The following EGLN1 variants were observed in gnomAD, a reference collection of about 807,000 sequenced individuals.
EGLN1 encodes egl nine homolog 1.
EGLN1 carries 17 observed loss-of-function variants against 38.3 expected under a neutral mutation model. That is an observed-to-expected ratio of 0.44 (90% CI 0.30 to 0.67). EGLN1 has a LOEUF of 0.67. EGLN1 is among the 30% of genes least tolerant of loss of function. The pLI, the probability that EGLN1 is intolerant of heterozygous loss-of-function variation, is 0.08. For synonymous variants in EGLN1, 283 were observed against 257.5 expected, an observed-to-expected ratio of 1.10 and a Z score of -0.95; for missense variants, 477 against 603.3, an observed-to-expected ratio of 0.79 and a Z score of 2.19.
chr1:231,367,413 T>G (rs1436352840), intron 4 of EGLN1, among the ~76,000 whole-genome samples, 156 bp downstream of exon 4: 2 of 152,230 alleles, frequency 1.3e-5, no homozygotes, highest in African/African-American at 4.8e-5. Context: ...AGATGACTTA[T>G]GTCTTCTTAA....
chr1:231,384,707 C>T (rs761529831), intron 1 of EGLN1, among the ~76,000 whole-genome samples: 2 of 152,062 alleles, frequency 1.3e-5, no homozygotes, highest in East Asian at 1.9e-4. Flanking sequence ...ATTAAGTCAC[C>T]GGAAGGCACT....
chr1:231,367,670 C>T, intron 3 of EGLN1, 34 bp from the exon 4 acceptor site: 1 of 1,591,632 alleles, frequency 6.3e-7, no homozygotes, highest in Non-Finnish European at 8.6e-7. Flanking sequence ...TAAGAATGAT[C>T]ACACTGCGGG....
At chr1:231,383,868 T>A (rs1312179105) in intron 1 of EGLN1, among the ~76,000 whole-genome samples, 1 of 152,140 alleles carries the variant, frequency 6.6e-6, no homozygotes, top group Non-Finnish European at 1.5e-5. Context: ...TCCCGTACTT[T>A]TTTTTCTTGA....
At chr1:231,387,360 ATTT>A (rs1464252140) in intron 1 of EGLN1, among the ~76,000 whole-genome samples, 2 of 135,882 alleles carry the variant, frequency 1.5e-5, no homozygotes. Context: ...TATTTTTTTA[ATTT>A]TTTTTTTTTT....
At chr1:231,370,287 G>C (rs1687782824) in intron 3 of EGLN1, among the ~76,000 whole-genome samples, 1 of 152,210 alleles carries the variant, frequency 6.6e-6, no homozygotes, top group South Asian at 2.1e-4. Context: ...AAAGCACGGA[G>C]AGAGTGCTAG....
rs564743805 is a variant in EGLN1 at position 231,369,254 on chromosome 1, G to A, written c.1148+1308C>T. 1.2e-4 allele frequency among the ~76,000 whole-genome samples: 19 copies of A among 152,154 alleles called. No homozygotes were observed. The South Asian group carries it at 1.9e-3, about 15-fold the overall frequency. On this transcript the variant is annotated intron_variant, in intron 3 of 4. Transcript: ENST00000366641. ...CTCTCCCTTCAAAGCGCACTTGCCC[G>A]TCTCTCCAATGTAGCACCACCTTCG...
chr1:231,370,505 A>C, intron 3 of EGLN1, 57 bp downstream of exon 3: 4 of 1,585,710 alleles, frequency 2.5e-6, no homozygotes, highest in Non-Finnish European at 3.5e-6. Flanking sequence ...TTTACTCTAC[A>C]GATTCCCTCC....
At chr1:231,367,327 G>A (rs1687675763) in intron 4 of EGLN1, among the ~76,000 whole-genome samples, 1 of 152,132 alleles carries the variant, frequency 6.6e-6, no homozygotes, top group African/African-American at 2.4e-5. Context: ...GTTTGTATGT[G>A]AATAATTTAC....
At chr1:231,396,956 AAAG>A (rs879601714) in intron 1 of EGLN1, among the ~76,000 whole-genome samples, 16 of 152,158 alleles carry the variant, frequency 1.1e-4, no homozygotes, top group Non-Finnish European at 1.9e-4. Flanking sequence ...CTACATCTTA[AAAG>A]AAGCTCTTAT....
intron 2 of EGLN1, among the ~76,000 whole-genome samples, chr1:231,372,200 C>A (rs1687841608): frequency 6.6e-6 from 1 of 152,232 alleles, no homozygotes; most frequent in Non-Finnish European, 1.5e-5. Flanking sequence ...TGTCTTGACA[C>A]TTTGCATAAC....
intron 1 of EGLN1, among the ~76,000 whole-genome samples, chr1:231,399,509 G>A (rs1688611808): frequency 6.6e-6 from 1 of 152,106 alleles, no homozygotes; most frequent in African/African-American, 2.4e-5. Context: ...AGAAGGAATG[G>A]TTCAAGAGAT....
Position 231,374,565 on chromosome 1 carries a change from T to A in EGLN1, c.892-466A>T, listed in dbSNP as rs183616633. 5.7e-3 allele frequency among the ~76,000 whole-genome samples: 861 copies of A among 152,068 alleles called. 8 individuals are homozygous for A. The highest frequency in any genetic ancestry group is 6.8e-3 in the Middle Eastern group (2 of 294). On this transcript the variant is annotated intron_variant, in intron 1 of 4. Transcript: ENST00000366641. Reference sequence around the variant, plus strand: ...CAGGGTCTGGCTCTGTTGCTCAGGTTCGAGTGCAGTGATGCAATCATGGCT... The same window carrying A: ...CAGGGTCTGGCTCTGTTGCTCAGGTACGAGTGCAGTGATGCAATCATGGCT...
At chr1:231,393,938 G>A (rs2102918681) in intron 1 of EGLN1, among the ~76,000 whole-genome samples, 1 of 152,254 alleles carries the variant, frequency 6.6e-6, no homozygotes, top group South Asian at 2.1e-4. Context: ...CAGCCTGACA[G>A]GAAAGAATTT....
At chr1:231,414,942 C>A (rs1689038417) in intron 1 of EGLN1, among the ~76,000 whole-genome samples, 2 of 151,880 alleles carry the variant, frequency 1.3e-5, no homozygotes, top group South Asian at 4.2e-4. Context: ...ACCACGTTGC[C>A]CCCTGGTCTG....
intron 1 of EGLN1, among the ~76,000 whole-genome samples, chr1:231,409,936 C>A (rs958339648): frequency 6.6e-6 from 1 of 152,058 alleles, no homozygotes; most frequent in East Asian, 1.9e-4. Flanking sequence ...AGCTTCAACA[C>A]AGGCAAACTA....
chr1:231,420,157 G>A (rs1656525705), intron 1 of EGLN1: 1 of 152,166 alleles, frequency 6.6e-6, no homozygotes, highest in Non-Finnish European at 1.5e-5. Context: ...ATAGTAAAGA[G>A]AAAACAAAAA....
Position 231,421,582 on chromosome 1 carries a change from C to G in EGLN1, c.307G>C (p.Ala103Pro). Residue 103 changes from alanine (A) to proline (P), a missense_variant, in exon 1 of 5, where the codon GCC becomes CCC. Ala to Pro is a conservative substitution (Grantham distance 27, BLOSUM62 -1). Coordinates refer to ENST00000366641, the MANE Select transcript of EGLN1 (RefSeq NM_022051.3). The surrounding 1 kb of genome is among the most constrained non-coding windows in gnomAD (Gnocchi z 5.5). Reference sequence around the variant, plus strand: ...TTTCCCTTGGCCGCGTCCCCGGAGGCGTTGTCCCGGCGCGCCGCTGCCTTC... The same window carrying G: ...TTTCCCTTGGCCGCGTCCCCGGAGGGGTTGTCCCGGCGCGCCGCTGCCTTC... ...PRKAAARRDN[A>P]SGDAAKGKVK... The G allele has an allele frequency of 1.5e-6, 2 of 1,316,732 alleles. No homozygotes were observed. Among genetic ancestry groups the G allele is most frequent in the Non-Finnish European group, 1.9e-6 (2 of 1,041,822 alleles). The allele number at this position is 1,316,732 out of a possible 1,614,324, so 81.6% of individuals were successfully genotyped here.
At position 231,421,632 on chromosome 1, in the gene EGLN1, G is replaced by A; in HGVS notation, c.257C>T (p.Pro86Leu). ...GPAPPAAVPP[P>L]RAGAREPRKA... ...CCTGGGCTCCCGGGCCCCGGCCCTGGGCGGCGGCACTGCAGCCGGCGGCGC... is the reference window on the plus strand; with the variant it reads ...CCTGGGCTCCCGGGCCCCGGCCCTGAGCGGCGGCACTGCAGCCGGCGGCGC... Residue 86 changes from proline to leucine, a missense_variant, in exon 1 of 5, where the codon CCC (proline) becomes CTC (leucine). Coordinates refer to ENST00000366641, the MANE Select transcript of EGLN1 (RefSeq NM_022051.3). The surrounding 1 kb of genome is among the most constrained non-coding windows in gnomAD (Gnocchi z 5.5). 1.4e-6 allele frequency: 2 copies of A among 1,432,050 alleles called. No homozygotes were observed. Among genetic ancestry groups the A allele is most frequent in the South Asian group, 1.4e-5 (1 of 70,494 alleles). The allele number at this position is 1,432,050 out of a possible 1,614,324, so 88.7% of individuals were successfully genotyped here.
At chr1:231,370,759 G>C in intron 2 of EGLN1, 61 bp from the exon 3 acceptor site, 1 of 1,576,864 alleles carries the variant, frequency 6.3e-7, no homozygotes, top group South Asian at 1.1e-5. Flanking sequence ...ATTAAATTTA[G>C]GGGGAAAAAA....
Sources: allele counts gnomAD v4.1 joint callset (sites outside exome capture counted in the v4.1 genomes callset), GRCh38; gene constraint gnomAD v4.1.1; non-coding constraint Gnocchi (gnomAD v3.1); transcripts MANE v1.5; gene names NCBI Gene and HGNC (gene_info 2026-07-23, HGNC 2026-07-21).